NYAP2: variants seen among roughly 807,000 people sequenced by gnomAD.
The protein encoded by NYAP2 is neuronal tyrosine-phosphorylated phosphoinositide-3-kinase adapter 2.
NYAP2 carries 23 observed loss-of-function variants against 50.4 expected under a neutral mutation model. The observed-to-expected ratio is 0.46, with a 90% CI of 0.33 to 0.65. The LOEUF (loss-of-function observed/expected upper bound fraction) is 0.65, where lower values mean the gene tolerates loss of function less well. Among genes scored for constraint, NYAP2 ranks in the 30% least tolerant of loss-of-function variants. NYAP2 has a pLI of 0.02. For missense variants in NYAP2, 885 were observed against 861.0 expected, an observed-to-expected ratio of 1.03 and a Z score of -0.35; for synonymous variants, 394 against 365.2, an observed-to-expected ratio of 1.08 and a Z score of -0.90.
intron 4 of NYAP2, among the ~76,000 whole-genome samples, chr2:225,567,908 C>T (rs1035464847): frequency 4.6e-5 from 7 of 152,262 alleles, no homozygotes; most frequent in East Asian, 1.9e-4. Context: ...ATCATACTGG[C>T]TGTGGCATAT....
rs1012993991 is a variant in NYAP2 at position 225,582,380 on chromosome 2, C to T, written c.963C>T (p.Asp321=). The change falls in exon 5 of 7, where the codon GAC becomes GAT. Residue 321 remains aspartate (D), a synonymous_variant. Coordinates refer to ENST00000636099, the Ensembl canonical transcript of NYAP2. The surrounding 1 kb of genome is among the most constrained non-coding windows in gnomAD (Gnocchi z 7.0). ...GCCCCCCCAAGGGGCTGCTTTGCGACATCCCTCCGCCCTTCCCCAACCTGC... is the reference window on the plus strand; with the variant it reads ...GCCCCCCCAAGGGGCTGCTTTGCGATATCCCTCCGCCCTTCCCCAACCTGC... 2.5e-6 allele frequency: 4 copies of T among 1,611,056 alleles called. No homozygotes were observed. In the South Asian group the frequency reaches 4.4e-5, roughly 18 times the overall value.
chr2:225,651,685 G>C, exon 7 of NYAP2: 1 of 983,792 alleles, frequency 1.0e-6, no homozygotes, highest in African/African-American at 1.6e-5. Flanking sequence ...CGGGGGATGA[G>C]TTCTGGCAGT....
At chr2:225,577,413 G>A (rs555464425) in intron 4 of NYAP2, among the ~76,000 whole-genome samples, 4 of 151,906 alleles carry the variant, frequency 2.6e-5, no homozygotes, top group Non-Finnish European at 5.9e-5. Context: ...TGTAACTCAA[G>A]ACTATTTTTA....
chr2:225,652,749 T>C (rs1693757098), exon 7 of NYAP2: 1 of 152,228 alleles, frequency 6.6e-6, no homozygotes, highest in Non-Finnish European at 1.5e-5. Flanking sequence ...GAAAATTACA[T>C]ATTCATCTAT....
intron 4 of NYAP2, among the ~76,000 whole-genome samples, chr2:225,520,262 A>G (rs992708910): frequency 6.6e-6 from 1 of 151,892 alleles, no homozygotes; most frequent in Non-Finnish European, 1.5e-5. Flanking sequence ...GCTGTGCAGA[A>G]GCTCTTTAGT....
At chr2:225,546,694 C>T (rs1004689600) in intron 4 of NYAP2, among the ~76,000 whole-genome samples, 1 of 152,096 alleles carries the variant, frequency 6.6e-6, no homozygotes, top group Admixed American at 6.5e-5. Flanking sequence ...TGTGGCCAAG[C>T]TGGCACCTAA....
chr2:225,409,215 T>A, intron 3 of NYAP2, 114 bp downstream of exon 3: 1 of 731,642 alleles, frequency 1.4e-6, no homozygotes, highest in Non-Finnish European at 2.2e-6. Context: ...TCAGTTAGAC[T>A]TGGTGAGAGC....
At position 225,617,847 on chromosome 2, in the gene NYAP2, G is replaced by A. The variant is rs376075561; in HGVS notation, c.1619-9070G>A. Among the ~76,000 whole-genome samples, 9 of 152,296 alleles carry A rather than the reference G, an allele frequency of 5.9e-5. No homozygotes were observed. The East Asian group carries it at 1.7e-3, about 29-fold the overall frequency. Reference sequence around the variant, plus strand: ...GGTATGAGCCAGGGATGGGATTAGAGCCAGAAGCAAACAGTAATAAGCTAT... The same window carrying A: ...GGTATGAGCCAGGGATGGGATTAGAACCAGAAGCAAACAGTAATAAGCTAT... On this transcript the variant is annotated intron_variant, in intron 5 of 6. Coordinates refer to ENST00000636099, the Ensembl canonical transcript of NYAP2.
At chr2:225,629,200 G>C (rs1216549484) in intron 6 of NYAP2, among the ~76,000 whole-genome samples, 1 of 152,160 alleles carries the variant, frequency 6.6e-6, no homozygotes, top group African/African-American at 2.4e-5. Flanking sequence ...CCAAAAGCTA[G>C]AATGCAGATG....
chr2:225,614,911 A>G (rs1301200576), intron 5 of NYAP2, among the ~76,000 whole-genome samples: 2 of 152,184 alleles, frequency 1.3e-5, no homozygotes, highest in Non-Finnish European at 2.9e-5. Flanking sequence ...GATTTTTGTC[A>G]CAGGCAAAGT....
At position 225,587,050 on chromosome 2, in the gene NYAP2, T is replaced by C. The variant is rs149105254; in HGVS notation, c.1618+4015T>C. On this transcript the variant is annotated intron_variant, in intron 5 of 6. Transcript: ENST00000636099. ...CTCGCAAGAGCAGGGAAGATTGTCT[T>C]ATAAAACAATTAGATCTTGTGAGAA... is the stretch of plus-strand genomic sequence containing the variant. Among the ~76,000 whole-genome samples the C allele has an allele frequency of 2.4e-4, 37 of 152,240 alleles. No individual in the cohort carries two copies. The East Asian group carries it at 7.0e-3, about 29-fold the overall frequency.
chr2:225,572,917 T>C (rs1043708039), intron 4 of NYAP2, among the ~76,000 whole-genome samples: 1 of 152,038 alleles, frequency 6.6e-6, no homozygotes, highest in South Asian at 2.1e-4. Flanking sequence ...GTTCTTCCTT[T>C]ATATATATAT....
intron 3 of NYAP2, among the ~76,000 whole-genome samples, chr2:225,483,256 T>C (rs1405028033): frequency 6.6e-6 from 1 of 152,142 alleles, no homozygotes; most frequent in Non-Finnish European, 1.5e-5. Context: ...TTGAAGGTAA[T>C]AGGCAGGTTC....
intron 3 of NYAP2, among the ~76,000 whole-genome samples, chr2:225,434,027 T>G (rs1262083629): frequency 6.6e-6 from 1 of 152,176 alleles, no homozygotes; most frequent in African/African-American, 2.4e-5. Flanking sequence ...TCATCACAAC[T>G]GCCCATGAGT....
intron 3 of NYAP2, among the ~76,000 whole-genome samples, chr2:225,453,550 C>A (rs1023724131): frequency 1.3e-5 from 2 of 152,122 alleles, no homozygotes; most frequent in Non-Finnish European, 2.9e-5. Context: ...TTGCTCATTA[C>A]ATATCACAAA....
chr2:225,411,149 C>T (rs984753891), intron 3 of NYAP2, among the ~76,000 whole-genome samples: 7 of 151,990 alleles, frequency 4.6e-5, no homozygotes, highest in African/African-American at 1.7e-4. Flanking sequence ...TTGTTGTGTC[C>T]TAACTGTTGA....
At chr2:225,537,334 G>A (rs182824430) in intron 4 of NYAP2, among the ~76,000 whole-genome samples, 266 of 151,958 alleles carry the variant, frequency 1.8e-3, no homozygotes, top group African/African-American at 6.1e-3. Context: ...CTGTGTATTA[G>A]TCTGTTTTCA....
At chr2:225,511,994 G>A (rs910453369) in intron 3 of NYAP2, among the ~76,000 whole-genome samples, 1 of 151,894 alleles carries the variant, frequency 6.6e-6, no homozygotes, top group Admixed American at 6.6e-5. Flanking sequence ...ATTTTGTAAT[G>A]GTATTTTTAA....
At chr2:225,572,058 T>C (rs1032161818) in intron 4 of NYAP2, among the ~76,000 whole-genome samples, 8 of 152,336 alleles carry the variant, frequency 5.3e-5, no homozygotes, top group African/African-American at 1.7e-4. Context: ...CCCAAGAAGT[T>C]CCTCATCTCC....
Sources: gnomAD v4.1 joint callset for allele counts (sites outside exome capture counted in the v4.1 genomes callset) on GRCh38, gnomAD v4.1.1 for gene constraint, Gnocchi (gnomAD v3.1) non-coding constraint, MANE v1.5 for transcripts, NCBI Gene and HGNC (gene_info 2026-07-23, HGNC 2026-07-21) for gene names.